The following ACTR1A variants were observed in gnomAD, a reference collection of about 807,000 sequenced individuals.
ACTR1A encodes actin related protein 1A.
ACTR1A carries 10 observed loss-of-function variants against 50.7 expected under a neutral mutation model. The ratio of observed to expected loss-of-function variants is 0.20; its 90% confidence interval spans 0.12 to 0.33. The LOEUF is 0.33. Among genes scored for constraint, ACTR1A ranks in the 10% least tolerant of loss-of-function variants. ACTR1A has a pLI of 1.00. For synonymous variants in ACTR1A, 177 were observed against 184.2 expected (o/e 0.96, Z 0.32); for missense variants, 253 against 491.7 (o/e 0.51, Z 4.59).
At chr10:102,497,238 G>A (rs924690067) in intron 1 of ACTR1A, among the ~76,000 whole-genome samples, 2 of 151,640 alleles carry the variant, frequency 1.3e-5, no homozygotes, top group Non-Finnish European at 2.9e-5. Context: ...TGAAAAGATT[G>A]GCCAAGAGTT....
At chr10:102,500,600 C>CAAACAAAAAAAA (rs71016388) in intron 1 of ACTR1A, among the ~76,000 whole-genome samples, 2 of 130,616 alleles carry the variant, frequency 1.5e-5, no homozygotes, top group Non-Finnish European at 3.3e-5. Context: ...AACAAACAAA[C>CAAACAAAAAAAA]AAACAAAAAT....
At chr10:102,483,560 G>A (rs1209956480) in intron 6 of ACTR1A, 1 of 158,420 alleles carries the variant, frequency 6.3e-6, no homozygotes, top group Non-Finnish European at 1.4e-5. Flanking sequence ...AAAACCAGGA[G>A]TGGGCGCGGT....
At chr10:102,491,001 A>C (rs1329638048) in intron 1 of ACTR1A, among the ~76,000 whole-genome samples, 2 of 152,064 alleles carry the variant, frequency 1.3e-5, no homozygotes, top group Admixed American at 6.6e-5. Context: ...GAAAAAAAAA[A>C]CAAAACTAAT....
chr10:102,486,143 C>T (rs2062167120), intron 4 of ACTR1A, among the ~76,000 whole-genome samples: 1 of 152,184 alleles, frequency 6.6e-6, no homozygotes, highest in East Asian at 1.9e-4. Context: ...GCATTATTGT[C>T]TGAGCTCCAC....
intron 1 of ACTR1A, among the ~76,000 whole-genome samples, chr10:102,495,755 ATTTTTTTTTTT>A (rs79530206): frequency 7.0e-5 from 7 of 99,574 alleles, no homozygotes; most frequent in African/African-American, 2.7e-4. Context: ...TAAATACACA[ATTTTTTTTTTT>A]TTTTTTTTTT....
chr10:102,494,914 G>A (rs1391464391), intron 1 of ACTR1A, among the ~76,000 whole-genome samples: 5 of 152,106 alleles, frequency 3.3e-5, no homozygotes, highest in Admixed American at 3.3e-4. Context: ...GGATTTAAGC[G>A]ATAGTCCTGT....
rs1212764059 is a variant in ACTR1A, at chr10:102,490,616, G to A, written c.49-3C>T. 2 of 1,610,272 alleles carry A rather than the reference G, an allele frequency of 1.2e-6. No individual in the cohort carries two copies. Among genetic ancestry groups the A allele is most frequent in the South Asian group, 2.2e-5 (2 of 91,006 alleles). On this transcript the variant is annotated splice_region_variant and splice_polypyrimidine_tract_variant and intron_variant, in intron 1 of 10. Coordinates refer to ENST00000369905, the MANE Select transcript of ACTR1A (RefSeq NM_005736.4). ...CCAGCTTTAATCACACCGGATCCCT[G>A]AGGAAAGAGGAGAGAGAATGAGGAG...
At chr10:102,490,456 G>T (rs189476760) in intron 2 of ACTR1A, 93 bp downstream of exon 2, 1 of 983,618 alleles carries the variant, frequency 1.0e-6, no homozygotes, top group Non-Finnish European at 1.6e-6. Flanking sequence ...GTTTTCCTTT[G>T]TTGACTCCAA....
chr10:102,494,221 G>A (rs955849154), intron 1 of ACTR1A, among the ~76,000 whole-genome samples: 1 of 152,256 alleles, frequency 6.6e-6, no homozygotes, highest in Non-Finnish European at 1.5e-5. Context: ...TTGGCTGGGT[G>A]TGGTAACTCA....
chr10:102,492,113 C>T (rs1000955573), intron 1 of ACTR1A, among the ~76,000 whole-genome samples: 21 of 142,336 alleles, frequency 1.5e-4, no homozygotes, highest in Admixed American at 2.1e-4. Context: ...GTCTGTCACC[C>T]AGGCTGGAGT....
chr10:102,492,756 C>G (rs537902487), intron 1 of ACTR1A, among the ~76,000 whole-genome samples: 2 of 152,140 alleles, frequency 1.3e-5, no homozygotes, highest in East Asian at 3.9e-4. Context: ...AATCCCAGCA[C>G]TGTGGGAGGC....
intron 2 of ACTR1A, among the ~76,000 whole-genome samples, chr10:102,490,010 C>T (rs1259483369): frequency 6.6e-6 from 1 of 152,046 alleles, no homozygotes; most frequent in Non-Finnish European, 1.5e-5. Context: ...CCGAGGCAGG[C>T]AGACCATGAG....
At chr10:102,494,636 AAACC>A (rs200989563) in intron 1 of ACTR1A, among the ~76,000 whole-genome samples, 5 of 150,674 alleles carry the variant, frequency 3.3e-5, no homozygotes, top group African/African-American at 5.0e-5. Context: ...CCCTGTCTCA[AAACC>A]AACCAACCAA....
rs760911001 is a variant in ACTR1A at position 102,488,299 on chromosome 10, C to A, written c.190-24G>T. On this transcript the variant is annotated intron_variant, in intron 3 of 10. Transcript: ENST00000369905. This position sits in a 1 kb window ranked among gnomAD's most constrained non-coding sequence, Gnocchi z 4.4. The stretch of plus-strand genomic sequence containing the variant: ...TCCTGGGAAAAGAGAACAGGACTTA[C>A]GACTGCAGTCAGGCTCCACCCAGGA... 39 of 1,607,550 alleles carry A rather than the reference C, an allele frequency of 2.4e-5. No homozygotes were observed. The highest frequency in any genetic ancestry group is 3.1e-5 in the Non-Finnish European group (37 of 1,174,612).
chr10:102,500,526 G>A (rs1402284623), intron 1 of ACTR1A, among the ~76,000 whole-genome samples: 13 of 151,914 alleles, frequency 8.6e-5, no homozygotes. Flanking sequence ...CCGAGATCGC[G>A]CCACTGCACT....
intron 1 of ACTR1A, among the ~76,000 whole-genome samples, chr10:102,502,014 A>C (rs1242221082): frequency 2.0e-5 from 3 of 152,032 alleles, no homozygotes; most frequent in African/African-American, 7.2e-5. Flanking sequence ...CCACACCACC[A>C]AGCCGCAGCG....
chr10:102,483,339 C>T (rs1478831467), intron 6 of ACTR1A: 2 of 480,274 alleles, frequency 4.2e-6, no homozygotes, highest in Non-Finnish European at 7.5e-6. Context: ...AGCTTGGAAA[C>T]TTGGCCCCTG....
At chr10:102,481,793 T>C (rs1564647569) in intron 9 of ACTR1A, 44 bp downstream of exon 9, 1 of 1,605,836 alleles carries the variant, frequency 6.2e-7, no homozygotes, top group East Asian at 2.2e-5. Context: ...ACTCTGTCCA[T>C]GGAAGCCTAG....
At chr10:102,490,445 T>C in intron 2 of ACTR1A, 104 bp downstream of exon 2, 1 of 827,364 alleles carries the variant, frequency 1.2e-6, no homozygotes, top group African/African-American at 1.9e-5. Context: ...TGTAGACAAC[T>C]GTTTTCCTTT....
Sources: allele counts gnomAD v4.1 joint callset (sites outside exome capture counted in the v4.1 genomes callset), GRCh38; gene constraint gnomAD v4.1.1; non-coding constraint Gnocchi (gnomAD v3.1); transcripts MANE v1.5; gene names NCBI Gene and HGNC (gene_info 2026-07-23, HGNC 2026-07-21).